PAK1: variants seen among roughly 807,000 people sequenced by gnomAD.
PAK1 encodes serine/threonine-protein kinase PAK 1.
Under a neutral mutation model 67.4 loss-of-function variants are expected in PAK1, and 29 were observed. The ratio of observed to expected loss-of-function variants is 0.43; its 90% CI spans 0.32 to 0.59. The LOEUF (loss-of-function observed/expected upper bound fraction) is 0.59, where lower values mean the gene tolerates loss of function less well. Ranked by LOEUF, PAK1 falls within the 20% of genes least tolerant of loss-of-function variation. The pLI is 0.07. For missense variants in PAK1, 337 were observed against 670.7 expected (o/e 0.50, Z 5.50); for synonymous variants, 223 against 237.4 (o/e 0.94, Z 0.56).
chr11:77,365,370 A>G (rs371037301), intron 5 of PAK1, among the ~76,000 whole-genome samples: 2 of 151,634 alleles, frequency 1.3e-5, no homozygotes, highest in African/African-American at 4.8e-5. Context: ...GAGCTGTGGA[A>G]CAACATAAAG....
intron 13 of PAK1, 93 bp downstream of exon 13, chr11:77,335,993 A>G (rs546815007): frequency 1.9e-5 from 14 of 735,706 alleles, no homozygotes; most frequent in Non-Finnish European, 3.1e-5. Context: ...AGGGATCTCC[A>G]GGTTGAAAAC....
At chr11:77,355,200 C>T (rs893208183) in intron 7 of PAK1, among the ~76,000 whole-genome samples, 2 of 152,070 alleles carry the variant, frequency 1.3e-5, no homozygotes, top group Non-Finnish European at 2.9e-5. Flanking sequence ...AAATATTTTG[C>T]TTGTCATTTG....
At chr11:77,469,149 G>A (rs1012131509) in intron 1 of PAK1, among the ~76,000 whole-genome samples, 7 of 152,118 alleles carry the variant, frequency 4.6e-5, no homozygotes, top group Non-Finnish European at 8.8e-5. Context: ...AACATTAAAA[G>A]CAGCCTCTGT....
chr11:77,451,922 C>T (rs891739244), intron 1 of PAK1, among the ~76,000 whole-genome samples: 1 of 152,214 alleles, frequency 6.6e-6, no homozygotes, highest in Non-Finnish European at 1.5e-5. Context: ...TCTTTTGCTA[C>T]AGGAGCCTCA....
At chr11:77,404,007 T>C (rs1485840085) in intron 1 of PAK1, among the ~76,000 whole-genome samples, 1 of 152,202 alleles carries the variant, frequency 6.6e-6, no homozygotes, top group Non-Finnish European at 1.5e-5. Context: ...TTGTTACTCT[T>C]GCTCTCTTGC....
At chr11:77,341,505 G>C (rs747449022) in intron 10 of PAK1, among the ~76,000 whole-genome samples, 28 of 152,154 alleles carry the variant, frequency 1.8e-4, no homozygotes, top group Non-Finnish European at 2.9e-4. Flanking sequence ...GATATCCCCA[G>C]AGAGATTATG....
chr11:77,463,208 T>C (rs1957440906), intron 1 of PAK1, among the ~76,000 whole-genome samples: 1 of 152,112 alleles, frequency 6.6e-6, no homozygotes, highest in Non-Finnish European at 1.5e-5. Context: ...TGTACTGATA[T>C]CTGCAACTTA....
rs896322327 is a variant in PAK1 at position 77,322,356 on chromosome 11, T to C, written c.*918A>G. On this transcript the variant is annotated 3_prime_UTR_variant, in exon 15 of 15. Coordinates refer to ENST00000356341, the MANE Select transcript of PAK1 (RefSeq NM_002576.5). ...AGACTCTTTATTGTGACCAAAAGAT[T>C]TGGACCATTAGAAGATCCAAGTTAA... 1.0e-5 allele frequency: 2 copies of C among 195,870 alleles called. No homozygotes were observed. Among genetic ancestry groups the C allele is most frequent in the African/African-American group, 2.3e-5 (1 of 43,246 alleles). 12.1% of individuals were successfully genotyped at this position (195,870 alleles called of 1,614,324 possible). A position where few individuals can be genotyped will look rare whatever the true frequency, so the allele number is the denominator to read the frequency against.
At chr11:77,386,213 C>A (rs1950431889) in intron 2 of PAK1, among the ~76,000 whole-genome samples, 1 of 152,154 alleles carries the variant, frequency 6.6e-6, no homozygotes, top group Admixed American at 6.5e-5. Context: ...AAATCACTGG[C>A]CTTTTTTAAA....
chr11:77,471,417 G>A (rs1327504199), intron 1 of PAK1, among the ~76,000 whole-genome samples: 1 of 152,158 alleles, frequency 6.6e-6, no homozygotes, highest in East Asian at 1.9e-4. Context: ...TTGCAACAGA[G>A]CGCTACAGAA....
intron 11 of PAK1, among the ~76,000 whole-genome samples, chr11:77,338,539 G>A (rs1044446678): frequency 5.9e-5 from 9 of 152,104 alleles, no homozygotes; most frequent in Non-Finnish European, 8.8e-5. Flanking sequence ...CAGCTACTAC[G>A]GAAACAGTTT....
rs80012435 is a variant in PAK1, at chr11:77,439,788, T to C, written c.-22+33764A>G. ...AAGAGGACTAAATTGTCAAGGAAATTTAAATTGTCAAGAACCATCAGGTGC... is the reference window on the plus strand; with the variant it reads ...AAGAGGACTAAATTGTCAAGGAAATCTAAATTGTCAAGAACCATCAGGTGC... On this transcript the variant is annotated intron_variant, in intron 1 of 14. Coordinates refer to ENST00000356341, the MANE Select transcript of PAK1 (RefSeq NM_002576.5). 3.4e-4 allele frequency among the ~76,000 whole-genome samples: 51 copies of C among 152,234 alleles called. 2 individuals are homozygous for C. The East Asian group carries it at 9.8e-3, about 29-fold the overall frequency.
At chr11:77,333,034 T>G (rs985941034) in intron 13 of PAK1, among the ~76,000 whole-genome samples, 167 bp from the exon 14 acceptor site, 4 of 152,156 alleles carry the variant, frequency 2.6e-5, no homozygotes, top group Non-Finnish European at 5.9e-5. Context: ...GTTGAACATT[T>G]AAAGGCCATG....
At chr11:77,342,302 TAA>T (rs1943726906) in intron 10 of PAK1, among the ~76,000 whole-genome samples, 1 of 151,914 alleles carries the variant, frequency 6.6e-6, no homozygotes, top group Non-Finnish European at 1.5e-5. Context: ...ATTTCCAGAG[TAA>T]AAGTCTCTGG....
chr11:77,450,346 C>G (rs1229370479), intron 1 of PAK1, among the ~76,000 whole-genome samples: 3 of 152,058 alleles, frequency 2.0e-5, no homozygotes, highest in Non-Finnish European at 4.4e-5. Flanking sequence ...CAAATACCAC[C>G]CCAGCATTAA....
intron 11 of PAK1, among the ~76,000 whole-genome samples, chr11:77,338,614 T>A (rs1341315292): frequency 6.6e-6 from 1 of 152,146 alleles, no homozygotes; most frequent in Non-Finnish European, 1.5e-5. Flanking sequence ...TAGTTATATA[T>A]CCAAGAGAAT....
chr11:77,420,412 A>G (rs1311817282), intron 1 of PAK1, among the ~76,000 whole-genome samples: 1 of 152,254 alleles, frequency 6.6e-6, no homozygotes, highest in Non-Finnish European at 1.5e-5. Flanking sequence ...GCATTTTTAA[A>G]GACAATAGGA....
At chr11:77,371,087 T>C (rs538695205) in intron 5 of PAK1, among the ~76,000 whole-genome samples, 43 of 152,378 alleles carry the variant, frequency 2.8e-4, no homozygotes, top group South Asian at 6.2e-4. Context: ...GAGATCTTAC[T>C]AGTCCTTGAC....
intron 6 of PAK1, 104 bp downstream of exon 6, chr11:77,358,794 G>T: frequency 8.9e-7 from 1 of 1,127,722 alleles, no homozygotes. Flanking sequence ...CAAAATCTAA[G>T]GACGCCTACC....
Sources: allele counts gnomAD v4.1 joint callset (sites outside exome capture counted in the v4.1 genomes callset), GRCh38; gene constraint gnomAD v4.1.1; transcripts MANE v1.5; gene names NCBI Gene and HGNC (gene_info 2026-07-23, HGNC 2026-07-21).